The following DENND11 variants were observed in gnomAD, a reference collection of about 807,000 sequenced individuals.
The protein encoded by DENND11 is DENN domain containing 11, also known as DENN domain-containing protein 11.
DENND11 carries 34 observed loss-of-function variants against 49.2 expected under a neutral mutation model. That is an observed-to-expected ratio of 0.69 (90% CI 0.53 to 0.92). The LOEUF is 0.92. DENND11 is among the 40% of genes least tolerant of loss of function. The pLI, the probability that DENND11 is intolerant of heterozygous loss-of-function variation, is 0.00. For missense variants in DENND11, 475 were observed against 581.6 expected (o/e 0.82, Z 1.88); for synonymous variants, 238 against 230.3 (o/e 1.03, Z -0.30).
chr7:141,681,864 A>T (rs952727072), intron 3 of DENND11, among the ~76,000 whole-genome samples: 1 of 152,204 alleles, frequency 6.6e-6, no homozygotes, highest in Admixed American at 6.5e-5. Context: ...GAAAATGAAG[A>T]AAGAATCTTC....
In DENND11 at chr7:141,685,574, TCGCTCTCCACG is replaced by T; in HGVS notation, c.420_430del (p.Val141AlafsTer49). The T allele has an allele frequency of 6.2e-7, 1 of 1,613,944 alleles. No homozygotes were observed. The highest frequency in any genetic ancestry group is 8.5e-7 in the Non-Finnish European group (1 of 1,179,886). On this transcript the variant is annotated frameshift_variant, in exon 3 of 9. Transcript: ENST00000536163. LOFTEE classifies it high-confidence loss of function. ...CTTCATCCGCGCGCCACGTTCCAGC[TCGCTCTCCACG>T]GGCATGTTGGCAAAGCAGGCCAGGC...
chr7:141,683,359 G>T (rs536294029), intron 3 of DENND11, among the ~76,000 whole-genome samples: 8 of 152,336 alleles, frequency 5.3e-5, no homozygotes, highest in African/African-American at 9.6e-5. Flanking sequence ...GGCAAGTTCA[G>T]GCCAGGCTCA....
intron 1 of DENND11, among the ~76,000 whole-genome samples, chr7:141,700,547 T>C (rs989034357): frequency 1.3e-5 from 2 of 151,362 alleles, no homozygotes; most frequent in Admixed American, 6.6e-5. Context: ...CTTCATGAAA[T>C]GTCTATTTCA....
Position 141,662,652 on chromosome 7 carries a change from C to G in DENND11, c.*4G>C, listed in dbSNP as rs970943643. 6.4e-7 allele frequency: 1 copy of G among 1,557,798 alleles called. No individual in the cohort carries two copies. The highest frequency in any genetic ancestry group is 1.4e-5 in the African/African-American group (1 of 72,876). Reference sequence around the variant, plus strand: ...GAAGTGGCTCCCAGTCCTGTTGGCTCCTCCTACGGGCAACAGGGGTTGTCG... The same window carrying G: ...GAAGTGGCTCCCAGTCCTGTTGGCTGCTCCTACGGGCAACAGGGGTTGTCG... On this transcript the variant is annotated 3_prime_UTR_variant, in exon 9 of 9. Transcript: ENST00000536163.
chr7:141,689,703 T>C (rs534763353), intron 1 of DENND11, among the ~76,000 whole-genome samples: 1 of 152,330 alleles, frequency 6.6e-6, no homozygotes, highest in Non-Finnish European at 1.5e-5. Context: ...GAAAGAACAT[T>C]ATTTGTACAA....
At position 141,660,500 on chromosome 7, in the gene DENND11, C is replaced by T. The variant is rs138201419; in HGVS notation, c.*2156G>A. 1 of 152,356 alleles carries T rather than the reference C, an allele frequency of 6.6e-6. No individual in the cohort carries two copies. The allele number at this position is 152,356 out of a possible 1,614,324, so 9.4% of individuals were successfully genotyped here. On this transcript the variant is annotated 3_prime_UTR_variant, in exon 9 of 9. Transcript: ENST00000536163. ...GGAAAAAACAGGAACTTCATTCTCA[C>T]CCTGCTATGTTTACACCAGCACTTC... is the stretch of plus-strand genomic sequence containing the variant.
chr7:141,686,088 A>G (rs184498177), intron 2 of DENND11, among the ~76,000 whole-genome samples: 104 of 152,302 alleles, frequency 6.8e-4, no homozygotes, highest in African/African-American at 2.5e-3. Context: ...TCAATCATGA[A>G]TTAAGCCCCA....
intron 1 of DENND11, among the ~76,000 whole-genome samples, chr7:141,699,062 T>G (rs115864059): frequency 0.016 from 2,427 of 152,202 alleles, 57 homozygotes; most frequent in African/African-American, 0.053. Flanking sequence ...CGAGAGAAAC[T>G]AAACAGCAGA....
intron 8 of DENND11, 199 bp downstream of exon 8, chr7:141,663,973 T>C: frequency 2.1e-6 from 1 of 483,488 alleles, no homozygotes; most frequent in Non-Finnish European, 3.8e-6. Flanking sequence ...GGGACCTGCT[T>C]CTTTCCCTAA....
At chr7:141,666,165 GCTTAAAAC>G in intron 5 of DENND11, 114 bp downstream of exon 5, 1 of 1,085,452 alleles carries the variant, frequency 9.2e-7, no homozygotes, top group South Asian at 2.1e-5. Context: ...TCACTCCCGG[GCTTAAAAC>G]CCCATCCCCT....
rs188359021 is a variant in DENND11, at chr7:141,676,445, C to T, written c.528-2225G>A. Among the ~76,000 whole-genome samples, 169 of 152,218 alleles carry T rather than the reference C, an allele frequency of 1.1e-3. No individual in the cohort carries two copies. In the Middle Eastern group the frequency reaches 0.031, roughly 28 times the overall value. On this transcript the variant is annotated intron_variant, in intron 3 of 8. Coordinates refer to ENST00000536163, the MANE Select transcript of DENND11 (RefSeq NM_001080392.2). ...TACATTAAACTCTATACTTGAACCA[C>T]GATTCTAAAGAAAAGTTCAGTACAA...
chr7:141,700,641 T>C (rs572319726), intron 1 of DENND11, among the ~76,000 whole-genome samples: 2 of 152,066 alleles, frequency 1.3e-5, no homozygotes, highest in South Asian at 4.2e-4. Flanking sequence ...CAAAAGAGTT[T>C]GAAAGCCATG....
intron 5 of DENND11, among the ~76,000 whole-genome samples, chr7:141,666,055 C>T (rs1481582439): frequency 1.3e-5 from 2 of 150,782 alleles, no homozygotes; most frequent in African/African-American, 4.9e-5. Flanking sequence ...ATCTAGAATG[C>T]ATCTTCTCTG....
intron 1 of DENND11, 78 bp from the exon 2 acceptor site, chr7:141,686,736 A>G (rs1416399112): frequency 2.1e-6 from 2 of 954,534 alleles, no homozygotes; most frequent in Admixed American, 2.1e-5. Flanking sequence ...CTTAGCACAC[A>G]TGGCTTTTCA....
chr7:141,694,898 T>A (rs1355065848), intron 1 of DENND11, among the ~76,000 whole-genome samples: 4 of 152,112 alleles, frequency 2.6e-5, no homozygotes, highest in South Asian at 2.1e-4. Flanking sequence ...AGCGTCACAG[T>A]TTTGCCTCTG....
At chr7:141,697,612 C>G (rs1005161923) in intron 1 of DENND11, among the ~76,000 whole-genome samples, 11 of 152,224 alleles carry the variant, frequency 7.2e-5, no homozygotes, top group African/African-American at 2.7e-4. Context: ...TCACATTCTA[C>G]TTTGTCACTT....
chr7:141,697,151 C>T (rs1798426715), intron 1 of DENND11, among the ~76,000 whole-genome samples: 1 of 152,156 alleles, frequency 6.6e-6, no homozygotes, highest in Non-Finnish European at 1.5e-5. Flanking sequence ...GCTCTGTGCA[C>T]CTGTTTTTCT....
chr7:141,685,249 C>T (rs1429015714), intron 3 of DENND11, among the ~76,000 whole-genome samples: 1 of 151,952 alleles, frequency 6.6e-6, no homozygotes, highest in African/African-American at 2.4e-5. Flanking sequence ...AGTATTAAAT[C>T]CAAACTGAAG....
chr7:141,676,101 T>C (rs915036192), intron 3 of DENND11, among the ~76,000 whole-genome samples: 4 of 152,200 alleles, frequency 2.6e-5, no homozygotes, highest in African/African-American at 9.7e-5. Flanking sequence ...TCACAGAAAA[T>C]CATACAAAGG....
Sources: gnomAD v4.1 joint callset for allele counts (sites outside exome capture counted in the v4.1 genomes callset) on GRCh38, gnomAD v4.1.1 for gene constraint, MANE v1.5 for transcripts, NCBI Gene and HGNC (gene_info 2026-07-23, HGNC 2026-07-21) for gene names.